Variants in CSMD2 observed in about 807,000 individuals in gnomAD.
CSMD2 encodes the protein CUB and Sushi multiple domains 2, also known as CUB and sushi domain-containing protein 2.
CSMD2 carries 130 observed loss-of-function variants against 398.5 expected under a neutral mutation model. The observed-to-expected ratio is 0.33, with a 90% confidence interval of 0.28 to 0.38. The LOEUF is 0.38. Ranked by LOEUF, CSMD2 falls within the 10% of genes least tolerant of loss-of-function variation. The probability of loss-of-function intolerance (pLI) is 1.00; values close to 1 mark genes in which losing one functional copy is unlikely to be tolerated. For missense variants in CSMD2, 3,829 were observed against 4,764.9 expected, an observed-to-expected ratio of 0.80 and a Z score of 5.78; for synonymous variants, 1,828 against 1,908.5, an observed-to-expected ratio of 0.96 and a Z score of 1.10.
chr1:33,669,899 G>A (rs1175518207), intron 25 of CSMD2, among the ~76,000 whole-genome samples: 6 of 152,164 alleles, frequency 3.9e-5, no homozygotes, highest in Admixed American at 2.0e-4. Flanking sequence ...CAAGGAATGC[G>A]AAGGGTTCCT....
chr1:33,795,765 G>A (rs1041755016), intron 10 of CSMD2, among the ~76,000 whole-genome samples: 1 of 152,246 alleles, frequency 6.6e-6, no homozygotes, highest in Non-Finnish European at 1.5e-5. Flanking sequence ...CTGGAGGGCA[G>A]GGGTCAGGCC....
intron 16 of CSMD2, among the ~76,000 whole-genome samples, chr1:33,726,135 A>G (rs949519178): frequency 7.2e-5 from 11 of 152,168 alleles, no homozygotes; most frequent in African/African-American, 2.7e-4. Flanking sequence ...GGTGGGAGCT[A>G]GAAGTGGGGC....
intron 64 of CSMD2, among the ~76,000 whole-genome samples, chr1:33,529,199 G>A (rs1655037663): frequency 1.3e-5 from 2 of 152,264 alleles, no homozygotes; most frequent in African/African-American, 4.8e-5. Flanking sequence ...GGAGTGCAGT[G>A]GTGTAATCAT....
chr1:33,546,968 G>A (rs1656965414), intron 56 of CSMD2, among the ~76,000 whole-genome samples: 1 of 152,028 alleles, frequency 6.6e-6, no homozygotes, highest in Non-Finnish European at 1.5e-5. Flanking sequence ...TGCATGTATT[G>A]TATATTTCCA....
At chr1:33,908,359 C>A (rs1182784061) in intron 5 of CSMD2, among the ~76,000 whole-genome samples, 1 of 152,236 alleles carries the variant, frequency 6.6e-6, no homozygotes, top group Non-Finnish European at 1.5e-5. Context: ...ACAAGGGGCT[C>A]TGGAGGACCC....
At chr1:33,593,459 G>A (rs1184085161) in intron 44 of CSMD2, among the ~76,000 whole-genome samples, 3 of 152,232 alleles carry the variant, frequency 2.0e-5, no homozygotes, top group African/African-American at 7.2e-5. Flanking sequence ...TAATCATGGT[G>A]GAAGTTGAAA....
chr1:34,161,607 A>C (rs1244631260), intron 1 of CSMD2, among the ~76,000 whole-genome samples: 1 of 152,192 alleles, frequency 6.6e-6, no homozygotes, highest in African/African-American at 2.4e-5. Context: ...AGATAAAAGA[A>C]AATAAAGATA....
chr1:33,618,739 T>C (rs1225378536), intron 37 of CSMD2, among the ~76,000 whole-genome samples: 3 of 151,958 alleles, frequency 2.0e-5, no homozygotes, highest in Non-Finnish European at 2.9e-5. Context: ...TATCCCCTCA[T>C]ACCCTTCAAG....
intron 28 of CSMD2, among the ~76,000 whole-genome samples, chr1:33,648,222 C>T (rs549477314): frequency 9.5e-4 from 144 of 152,060 alleles, no homozygotes; most frequent in African/African-American, 3.0e-3. Flanking sequence ...ATTAGCCAGG[C>T]GTGGTGGTGG....
At chr1:33,674,068 C>A (rs1336521698) in intron 25 of CSMD2, among the ~76,000 whole-genome samples, 2 of 152,152 alleles carry the variant, frequency 1.3e-5, no homozygotes, top group African/African-American at 4.8e-5. Context: ...GCAAAATAAC[C>A]AGCTAACATC....
At chr1:33,685,163 T>G (rs564594693) in intron 25 of CSMD2, among the ~76,000 whole-genome samples, 19 of 152,284 alleles carry the variant, frequency 1.2e-4, no homozygotes, top group Middle Eastern at 3.4e-3. Context: ...ACATAATGTC[T>G]GGAGCTGCGG....
chr1:33,700,707 T>A (rs756914768), intron 22 of CSMD2, 34 bp from the exon 23 acceptor site: 2 of 1,612,508 alleles, frequency 1.2e-6, no homozygotes, highest in South Asian at 1.1e-5. Flanking sequence ...CCCAATGTCG[T>A]CAGCATGGCC....
intron 25 of CSMD2, among the ~76,000 whole-genome samples, chr1:33,669,606 C>A (rs550861713): frequency 4.2e-4 from 64 of 152,346 alleles, no homozygotes; most frequent in African/African-American, 1.5e-3. Context: ...GTTCCCCCTG[C>A]AAATGGCCCC....
chr1:34,031,566 G>A (rs1425779741), intron 3 of CSMD2, among the ~76,000 whole-genome samples: 5 of 151,916 alleles, frequency 3.3e-5, no homozygotes, highest in Non-Finnish European at 7.4e-5. Flanking sequence ...GGAGCCCCCA[G>A]TTGCTCAGGT....
intron 2 of CSMD2, among the ~76,000 whole-genome samples, chr1:34,033,289 G>A (rs975227999): frequency 1.3e-5 from 2 of 152,194 alleles, no homozygotes; most frequent in Non-Finnish European, 2.9e-5. Flanking sequence ...TCAATAGATG[G>A]AATCATATTC....
intron 19 of CSMD2, among the ~76,000 whole-genome samples, chr1:33,717,798 G>A (rs150415015): frequency 2.2e-3 from 334 of 152,138 alleles, no homozygotes; most frequent in African/African-American, 7.8e-3. Context: ...AGGAGACCAG[G>A]TGAAGTTGGA....
intron 4 of CSMD2, among the ~76,000 whole-genome samples, chr1:33,931,042 GT>G (rs1017189293): frequency 3.9e-5 from 6 of 152,220 alleles, no homozygotes; most frequent in African/African-American, 1.2e-4. Flanking sequence ...TAAAGAGATT[GT>G]CACTCAGAGC....
At chr1:33,628,107 T>C (rs752626001) in intron 32 of CSMD2, among the ~76,000 whole-genome samples, 2 of 152,170 alleles carry the variant, frequency 1.3e-5, no homozygotes, top group Non-Finnish European at 2.9e-5. Context: ...AAATCTAGCA[T>C]TGCATCTGTG....
intron 5 of CSMD2, among the ~76,000 whole-genome samples, chr1:33,853,352 AT>A (rs1638850227): frequency 6.6e-6 from 1 of 152,118 alleles, no homozygotes; most frequent in African/African-American, 2.4e-5. Flanking sequence ...CCCTCCCCTC[AT>A]GTAATTTACC....
Sources: allele counts gnomAD v4.1 joint callset (sites outside exome capture counted in the v4.1 genomes callset), GRCh38; gene constraint gnomAD v4.1.1; transcripts MANE v1.5; gene names NCBI Gene and HGNC (gene_info 2026-07-23, HGNC 2026-07-21).